The following OTOF variants were observed in gnomAD, a reference collection of about 807,000 sequenced individuals.
OTOF encodes otoferlin, also known as fer-1-like family member 2.
A neutral mutation model predicts 236.8 loss-of-function variants in OTOF; 218 were observed. The ratio of observed to expected loss-of-function variants is 0.92; its 90% CI spans 0.82 to 1.03. The LOEUF (loss-of-function observed/expected upper bound fraction) is 1.03. Among genes scored for constraint, OTOF ranks in the 50% least tolerant of loss-of-function variants. The pLI, the probability that OTOF is intolerant of heterozygous loss-of-function variation, is 0.00. For missense variants in OTOF, 2,590 were observed against 2,694.4 expected, an observed-to-expected ratio of 0.96 and a Z score of 0.86; for synonymous variants, 1,041 against 1,072.5, an observed-to-expected ratio of 0.97 and a Z score of 0.57.
rs1664772462 is a variant in OTOF, at chr2:26,467,191, C to G, written c.4270G>C (p.Asp1424His). ...AGCAAGTTGAAAGTGTGCAGCCAGT[C>G]CTCAAAGTTATCAAACTCGGACTCC... is the stretch of plus-strand genomic sequence containing the variant. ...ELESEFDNFEDWLHTFNLLRG... is the reference protein window; with the variant it reads ...ELESEFDNFEHWLHTFNLLRG... The change falls in exon 35 of 47, where the codon GAC becomes CAC. Residue 1424 changes from aspartate to histidine, a missense_variant. By Grantham distance (81) the Asp-to-His change is moderately conservative. Coordinates refer to ENST00000272371, the MANE Select transcript of OTOF (RefSeq NM_194248.3). The G allele has an allele frequency of 6.2e-7, 1 of 1,614,046 alleles. No homozygotes were observed.
rs942617833 is a variant in OTOF, at chr2:26,474,059, C to T, written c.3340G>A (p.Val1114Met). 14 of 1,612,818 alleles carry T rather than the reference C, an allele frequency of 8.7e-6. No individual in the cohort carries two copies. Among genetic ancestry groups the T allele is most frequent in the East Asian group, 2.2e-5 (1 of 44,894 alleles). ...DLPPINGPVDVDRGPIMPVPM... is the reference protein window; with the variant it reads ...DLPPINGPVDMDRGPIMPVPM... ...ACGGGCATGATGGGACCTCGGTCCACGTCCACCGGGCCATTGATGGGGGGC... is the reference window on the plus strand; with the variant it reads ...ACGGGCATGATGGGACCTCGGTCCATGTCCACCGGGCCATTGATGGGGGGC... Residue 1114 changes from valine (V) to methionine (M), a missense_variant, in exon 27 of 47, where the codon GTG becomes ATG. Physicochemically the swap from Val to Met is conservative, Grantham distance 21. Coordinates refer to ENST00000272371, the MANE Select transcript of OTOF (RefSeq NM_194248.3).
At position 26,462,218 on chromosome 2, in the gene OTOF, GGT is replaced by G. The variant is rs1269899127; in HGVS notation, c.5193-39_5193-38del. The G allele has an allele frequency of 6.3e-7, 1 of 1,576,476 alleles. No homozygotes were observed. Among genetic ancestry groups the G allele is most frequent in the East Asian group, 2.2e-5 (1 of 44,712 alleles). Reference sequence around the variant, plus strand: ...GAGAGAAGGCTGGTTAGCAGCCCCAGGTGGGGGTTATGCCAGGGTGCCAGGGC... The same window carrying G: ...GAGAGAAGGCTGGTTAGCAGCCCCAGGGGGGTTATGCCAGGGTGCCAGGGC... On this transcript the variant is annotated intron_variant, in intron 41 of 46. Transcript: ENST00000272371. The surrounding 1 kb of genome is among the most constrained non-coding windows in gnomAD (Gnocchi z 4.7).
chr2:26,469,254 A>G (rs1664871933), intron 32 of OTOF, among the ~76,000 whole-genome samples: 1 of 152,166 alleles, frequency 6.6e-6, no homozygotes, highest in South Asian at 2.1e-4. Flanking sequence ...ACTAGAAACT[A>G]GAAACCAGGT....
At chr2:26,523,262 C>A (rs886990721) in intron 3 of OTOF, among the ~76,000 whole-genome samples, 1 of 152,248 alleles carries the variant, frequency 6.6e-6, no homozygotes. Flanking sequence ...CATGGGGAAG[C>A]CCAAGGTTCC....
chr2:26,494,292 C>A (rs1482104744), intron 9 of OTOF, among the ~76,000 whole-genome samples: 2 of 152,226 alleles, frequency 1.3e-5, no homozygotes, highest in Admixed American at 6.5e-5. Flanking sequence ...GGAGTGGGTA[C>A]CAAATGTTTT....
chr2:26,509,988 G>A (rs564906355), intron 5 of OTOF, among the ~76,000 whole-genome samples: 37 of 152,242 alleles, frequency 2.4e-4, no homozygotes, highest in African/African-American at 7.7e-4. Context: ...ATGAGATCCC[G>A]TAATGCTAGA....
chr2:26,542,753 G>A (rs954521751), intron 1 of OTOF, among the ~76,000 whole-genome samples: 1 of 152,330 alleles, frequency 6.6e-6, no homozygotes, highest in Admixed American at 6.5e-5. Context: ...CTGCCCTCAG[G>A]GAGCAGCCTG....
intron 4 of OTOF, 74 bp from the exon 5 acceptor site, chr2:26,516,673 G>A: frequency 2.0e-6 from 3 of 1,521,982 alleles, no homozygotes; most frequent in Non-Finnish European, 2.7e-6. Flanking sequence ...TGGCTGCTTG[G>A]TGGTGTTTAC....
At chr2:26,518,783 G>A (rs1186813503) in intron 4 of OTOF, among the ~76,000 whole-genome samples, 1 of 152,230 alleles carries the variant, frequency 6.6e-6, no homozygotes, top group East Asian at 1.9e-4. Context: ...CGTAGGAAGG[G>A]CAGGGGTGCC....
At position 26,460,267 on chromosome 2, in the gene OTOF, CG is replaced by C. The variant is rs1664400498; in HGVS notation, c.5814-63del. On this transcript the variant is annotated intron_variant, in intron 45 of 46. Transcript: ENST00000272371. This position sits in a 1 kb window ranked among gnomAD's most constrained non-coding sequence, Gnocchi z 5.3. ...AGGGAGGAGAAGGGATTGGGTGTGG[CG>C]AGGGGCCAAGACCAAGAGGGAAGCT... 1 of 1,378,770 alleles carries C rather than the reference CG, an allele frequency of 7.3e-7. No individual in the cohort carries two copies. The highest frequency in any genetic ancestry group is 1.0e-6 in the Non-Finnish European group (1 of 988,978). 85.4% of individuals were successfully genotyped at this position (1,378,770 alleles called of 1,614,324 possible). A position where few individuals can be genotyped will look rare whatever the true frequency, so the allele number is the denominator to read the frequency against.
At position 26,466,062 on chromosome 2, in the gene OTOF, G is replaced by A. The variant is rs1028280853; in HGVS notation, c.4515C>T (p.His1505=). The change falls in exon 37 of 47, where the codon CAC becomes CAT. Residue 1505 remains histidine (H), a synonymous_variant. Transcript: ENST00000272371. ...RVYVVRATDL[H]PADINGKADP... ...CAGCTTTGCCGTTGATGTCAGCAGG[G>A]TGCAGGTCCGTGGCCTGGAATGGGG... 6.2e-7 allele frequency: 1 copy of A among 1,614,226 alleles called. No individual in the cohort carries two copies. Among genetic ancestry groups the A allele is most frequent in the Non-Finnish European group, 8.5e-7 (1 of 1,180,040 alleles).
intron 10 of OTOF, 77 bp from the exon 11 acceptor site, chr2:26,489,372 GC>G: frequency 8.6e-7 from 1 of 1,160,380 alleles, no homozygotes; most frequent in Non-Finnish European, 1.3e-6. Flanking sequence ...TGGGACCCGA[GC>G]TTTGTGGTGA....
rs879163808 is a variant in OTOF at position 26,482,554 on chromosome 2, C to T, written c.1431G>A (p.Leu477=). 6 of 1,613,432 alleles carry T rather than the reference C, an allele frequency of 3.7e-6. No homozygotes were observed. Among genetic ancestry groups the T allele is most frequent in the Non-Finnish European group, 4.2e-6 (5 of 1,180,000 alleles). ...CTGTAAAGACGACCTGCTCATTCCA[C>T]AGGGGCTCATAGCTGCTCTTCTGCA... is the stretch of plus-strand genomic sequence containing the variant. ...TSVQKSSYEP[L]WNEQVVFTDL... The change falls in exon 14 of 47, where the codon CTG becomes CTA. Residue 477 remains leucine (L), a synonymous_variant. Transcript: ENST00000272371.
At chr2:26,548,583 G>A (rs55916238) in intron 1 of OTOF, among the ~76,000 whole-genome samples, 29,208 of 152,114 alleles carry the variant, frequency 0.19, 3,195 homozygotes, top group Middle Eastern at 0.31. Context: ...ACATAACACC[G>A]TTTTGGTCAA....
chr2:26,496,283 G>A (rs1380711494), intron 8 of OTOF, among the ~76,000 whole-genome samples: 5 of 148,594 alleles, frequency 3.4e-5, no homozygotes, highest in Non-Finnish European at 5.9e-5. Context: ...ACTCAGGCCT[G>A]GAGTGCAGTG....
chr2:26,522,872 C>G (rs1199498272), intron 3 of OTOF, among the ~76,000 whole-genome samples: 2 of 152,200 alleles, frequency 1.3e-5, no homozygotes, highest in African/African-American at 4.8e-5. Flanking sequence ...CAGGGCCATC[C>G]AGGTCACCAT....
At chr2:26,517,846 C>T (rs1043532065) in intron 4 of OTOF, among the ~76,000 whole-genome samples, 1 of 152,206 alleles carries the variant, frequency 6.6e-6, no homozygotes, top group Non-Finnish European at 1.5e-5. Context: ...AAATCCAGGG[C>T]ATGGGCTGTG....
chr2:26,482,711 G>A, intron 13 of OTOF, 119 bp from the exon 14 acceptor site: 1 of 771,466 alleles, frequency 1.3e-6, no homozygotes, highest in Non-Finnish European at 2.1e-6. Context: ...GTGTGAGTGG[G>A]TGTGCATGCG....
rs377665014 is a variant in OTOF, at chr2:26,484,682, G to T, written c.1046-49C>A. 14 of 1,600,062 alleles carry T rather than the reference G, an allele frequency of 8.7e-6. No individual in the cohort carries two copies. In the South Asian group the frequency reaches 1.3e-4, roughly 15 times the overall value. On this transcript the variant is annotated intron_variant, in intron 11 of 46. Transcript: ENST00000272371. ...TGCACCAGACACCCCCACCCAGAGC[G>T]TCTCCCAGTGCTCAGGGCAGGCCAA...
Sources: allele counts gnomAD v4.1 joint callset (sites outside exome capture counted in the v4.1 genomes callset), GRCh38; gene constraint gnomAD v4.1.1; non-coding constraint Gnocchi (gnomAD v3.1); transcripts MANE v1.5; gene names NCBI Gene and HGNC (gene_info 2026-07-23, HGNC 2026-07-21).